The following SLC12A2 variants were observed in gnomAD, a reference collection of about 807,000 sequenced individuals.
The protein encoded by SLC12A2 is solute carrier family 12 member 2.
A neutral mutation model predicts 136.3 loss-of-function variants in SLC12A2; 67 were observed. That is an observed-to-expected ratio of 0.49 (90% CI 0.40 to 0.60). The LOEUF is 0.60. SLC12A2 is among the 20% of genes least tolerant of loss of function. SLC12A2 has a pLI of 0.00. For synonymous variants in SLC12A2, 619 were observed against 562.9 expected (o/e 1.10, Z -1.41); for missense variants, 1,322 against 1,534.7 (o/e 0.86, Z 2.32).
Position 128,084,288 on chromosome 5 carries a change from G to A in SLC12A2, c.334G>A (p.Gly112Arg). ...AGCGGCGGCGGCTGGTGCTGGGGCG[G>A]GGGCCAAGCAGACCCCCGCGGACGG... ...AAAAAAGAGA[G>R]AKQTPADGEA... Residue 112 changes from glycine (G) to arginine (R), a missense_variant, in exon 1 of 27, where the codon GGG becomes AGG. Coordinates refer to ENST00000262461, the MANE Select transcript of SLC12A2 (RefSeq NM_001046.3). The surrounding 1 kb of genome is among the most constrained non-coding windows in gnomAD (Gnocchi z 5.6). 6.8e-7 allele frequency: 1 copy of A among 1,460,940 alleles called. No homozygotes were observed. Among genetic ancestry groups the A allele is most frequent in the South Asian group, 1.4e-5 (1 of 72,104 alleles). The allele number at this position is 1,460,940 out of a possible 1,614,324, so 90.5% of individuals were successfully genotyped here. A position where few individuals can be genotyped will look rare whatever the true frequency, so the allele number is the denominator to read the frequency against.
At chr5:128,127,595 T>C (rs1483721854) in intron 4 of SLC12A2, among the ~76,000 whole-genome samples, 2 of 152,054 alleles carry the variant, frequency 1.3e-5, no homozygotes, top group African/African-American at 4.8e-5. Context: ...GGAGTGCTTA[T>C]CACAAATTTA....
intron 10 of SLC12A2, among the ~76,000 whole-genome samples, chr5:128,145,347 T>A (rs574581451): frequency 6.6e-6 from 1 of 152,218 alleles, no homozygotes; most frequent in South Asian, 2.1e-4. Flanking sequence ...AACTTTGAGA[T>A]CATTAAGACA....
At position 128,115,250 on chromosome 5, in the gene SLC12A2, G is replaced by C. The variant is rs150346797; in HGVS notation, c.1048+569G>C. Among the ~76,000 whole-genome samples, 593 of 152,244 alleles carry C rather than the reference G, an allele frequency of 3.9e-3. 3 individuals are homozygous for C. Among genetic ancestry groups the C allele is most frequent in the African/African-American group, 0.014 (570 of 41,554 alleles). On this transcript the variant is annotated intron_variant, in intron 4 of 26. Transcript: ENST00000262461. Reference sequence around the variant, plus strand: ...AGTGATTCTTCTGCATCAGCCTCCTGAGTAGCTAGGATTACAGACGTGCAC... The same window carrying C: ...AGTGATTCTTCTGCATCAGCCTCCTCAGTAGCTAGGATTACAGACGTGCAC...
intron 1 of SLC12A2, among the ~76,000 whole-genome samples, chr5:128,087,919 G>C (rs1406805248): frequency 6.6e-6 from 1 of 151,706 alleles, no homozygotes; most frequent in Non-Finnish European, 1.5e-5. Flanking sequence ...TAGATTTGGT[G>C]GTTGGGAGAA....
At chr5:128,165,381 C>A (rs1426924872) in intron 17 of SLC12A2, among the ~76,000 whole-genome samples, 1 of 152,068 alleles carries the variant, frequency 6.6e-6, no homozygotes, top group Non-Finnish European at 1.5e-5. Context: ...GCTTAAGATG[C>A]ACAGAAAACA....
chr5:128,125,876 C>G (rs1761773109), intron 4 of SLC12A2, among the ~76,000 whole-genome samples: 1 of 152,028 alleles, frequency 6.6e-6, no homozygotes, highest in Non-Finnish European at 1.5e-5. Context: ...CCTTCTTGCC[C>G]CCATCCTTGT....
chr5:128,095,075 AAAGTC>A (rs1418436532), intron 1 of SLC12A2, among the ~76,000 whole-genome samples: 1 of 152,152 alleles, frequency 6.6e-6, no homozygotes, highest in East Asian at 1.9e-4. Context: ...CTACTAGTTT[AAAGTC>A]ATTAGAGAGT....
At chr5:128,144,919 C>G (rs973127748) in intron 10 of SLC12A2, among the ~76,000 whole-genome samples, 5 of 151,978 alleles carry the variant, frequency 3.3e-5, no homozygotes, top group African/African-American at 1.2e-4. Context: ...AGACTTTTGT[C>G]TTTTTTTCCC....
chr5:128,102,061 C>T (rs1760758113), intron 1 of SLC12A2, among the ~76,000 whole-genome samples: 1 of 151,758 alleles, frequency 6.6e-6, no homozygotes, highest in South Asian at 2.1e-4. Flanking sequence ...TTTCAACATC[C>T]AGTTTTCAGC....
chr5:128,173,872 AAG>A (rs1763458686), intron 19 of SLC12A2, among the ~76,000 whole-genome samples: 1 of 152,150 alleles, frequency 6.6e-6, no homozygotes, highest in Non-Finnish European at 1.5e-5. Flanking sequence ...AACTCTGACA[AAG>A]AGAAAATGAA....
intron 20 of SLC12A2, among the ~76,000 whole-genome samples, chr5:128,175,449 A>T (rs945589727): frequency 4.6e-5 from 7 of 152,052 alleles, no homozygotes; most frequent in Non-Finnish European, 7.4e-5. Flanking sequence ...ACTGATTCTG[A>T]TAACTGTTCC....
intron 1 of SLC12A2, among the ~76,000 whole-genome samples, chr5:128,088,813 C>T (rs923447712): frequency 1.3e-5 from 2 of 152,086 alleles, no homozygotes; most frequent in Admixed American, 6.5e-5. Flanking sequence ...GTTGGATTTT[C>T]ATTAATTCCT....
intron 4 of SLC12A2, among the ~76,000 whole-genome samples, chr5:128,118,443 C>T (rs919264520): frequency 6.6e-6 from 1 of 152,058 alleles, no homozygotes; most frequent in African/African-American, 2.4e-5. Context: ...AGTTGGAGAC[C>T]ATCATTCTAA....
chr5:128,165,347 C>T (rs894214343), intron 17 of SLC12A2, among the ~76,000 whole-genome samples: 10 of 152,160 alleles, frequency 6.6e-5, no homozygotes, highest in African/African-American at 1.7e-4. Context: ...AAACTAAATA[C>T]GTTTTTTTGG....
At chr5:128,185,482 A>T (rs1763837988) in intron 26 of SLC12A2, among the ~76,000 whole-genome samples, 1 of 152,188 alleles carries the variant, frequency 6.6e-6, no homozygotes. Context: ...AAGCCAAGTA[A>T]TGAAAAAAAC....
chr5:128,152,571 T>C, intron 14 of SLC12A2, 135 bp from the exon 15 acceptor site: 1 of 652,240 alleles, frequency 1.5e-6, no homozygotes, highest in Non-Finnish European at 2.9e-6. Flanking sequence ...ATGTGAACTA[T>C]TGAAAGTACA....
At chr5:128,127,872 T>G (rs970756025) in intron 4 of SLC12A2, among the ~76,000 whole-genome samples, 6 of 152,114 alleles carry the variant, frequency 3.9e-5, no homozygotes, top group African/African-American at 1.4e-4. Context: ...ACTTTTGGCT[T>G]TCTTCTTACT....
Position 128,158,916 on chromosome 5 carries a change from A to G in SLC12A2, c.2475+752A>G, listed in dbSNP as rs567092148. ...TGATTGCCATTCTGACAGGTGTGAA[A>G]TAATTTTTTTATACTAAAACTTTTA... On this transcript the variant is annotated intron_variant, in intron 16 of 26. Coordinates refer to ENST00000262461, the MANE Select transcript of SLC12A2 (RefSeq NM_001046.3). Among the ~76,000 whole-genome samples, 39 of 150,954 alleles carry G rather than the reference A, an allele frequency of 2.6e-4. 1 individual carries two copies. Among genetic ancestry groups the G allele is most frequent in the African/African-American group, 7.5e-4 (31 of 41,210 alleles).
At chr5:128,108,349 T>C (rs1214331895) in intron 1 of SLC12A2, among the ~76,000 whole-genome samples, 4 of 152,114 alleles carry the variant, frequency 2.6e-5, no homozygotes, top group Non-Finnish European at 5.9e-5. Flanking sequence ...CCAAAAACTT[T>C]AGACAGCTGT....
Sources: allele counts gnomAD v4.1 joint callset (sites outside exome capture counted in the v4.1 genomes callset), GRCh38; gene constraint gnomAD v4.1.1; non-coding constraint Gnocchi (gnomAD v3.1); transcripts MANE v1.5; gene names NCBI Gene and HGNC (gene_info 2026-07-23, HGNC 2026-07-21).